Variants in HDDC2 observed in about 807,000 individuals in gnomAD.
HDDC2 encodes HD domain containing 2, also known as 5'-deoxynucleotidase HDDC2.
A neutral mutation model predicts 25.5 loss-of-function variants in HDDC2; 25 were observed. The ratio of observed to expected loss-of-function variants is 0.98; its 90% CI spans 0.72 to 1.37. The LOEUF (loss-of-function observed/expected upper bound fraction) is 1.37, where lower values mean the gene tolerates loss of function less well. Ranked by LOEUF, HDDC2 falls within the 40% of genes most tolerant of loss-of-function variation. HDDC2 has a pLI of 0.00. For synonymous variants in HDDC2, 106 were observed against 89.7 expected, an observed-to-expected ratio of 1.18 and a Z score of -1.03; for missense variants, 264 against 253.1, an observed-to-expected ratio of 1.04 and a Z score of -0.29.
chr6:125,301,775 G>T (rs146602375), intron 1 of HDDC2, 74 bp downstream of exon 1: 10 of 1,115,568 alleles, frequency 9.0e-6, no homozygotes, highest in Admixed American at 2.3e-5. Flanking sequence ...CCGGCCGAGC[G>T]GGGAGGCCGG....
At chr6:125,280,861 C>T (rs990721338) in intron 4 of HDDC2, among the ~76,000 whole-genome samples, 1 of 152,246 alleles carries the variant, frequency 6.6e-6, no homozygotes, top group African/African-American at 2.4e-5. Flanking sequence ...AGTGCTCAAG[C>T]TCTGCTAAGG....
chr6:125,288,477 G>T (rs1434405056), intron 4 of HDDC2, among the ~76,000 whole-genome samples: 1 of 152,192 alleles, frequency 6.6e-6, no homozygotes, highest in African/African-American at 2.4e-5. Flanking sequence ...GAGGGACAAG[G>T]AGTCCAAGCA....
chr6:125,299,545 T>C (rs1050276293), intron 2 of HDDC2, among the ~76,000 whole-genome samples: 1 of 152,196 alleles, frequency 6.6e-6, no homozygotes, highest in African/African-American at 2.4e-5. Context: ...AGGGCCAGTA[T>C]GTTTTAGGCT....
At chr6:125,292,774 T>C (rs1798649990) in intron 4 of HDDC2, 67 bp downstream of exon 4, 4 of 1,194,546 alleles carry the variant, frequency 3.3e-6, no homozygotes, top group Non-Finnish European at 5.0e-6. Flanking sequence ...CTAAGTCAAG[T>C]ACAACATCAG....
intron 4 of HDDC2, among the ~76,000 whole-genome samples, chr6:125,291,309 T>G (rs1197965607): frequency 6.6e-6 from 1 of 152,216 alleles, no homozygotes; most frequent in East Asian, 1.9e-4. Flanking sequence ...ATTTTCATGA[T>G]TATTCAACGA....
chr6:125,291,798 G>A (rs578060955), intron 4 of HDDC2, among the ~76,000 whole-genome samples: 5 of 152,282 alleles, frequency 3.3e-5, no homozygotes, highest in African/African-American at 1.2e-4. Flanking sequence ...ACACCTGAAT[G>A]CCTTAAAATG....
intron 4 of HDDC2, among the ~76,000 whole-genome samples, chr6:125,291,937 A>C (rs1160263654): frequency 6.6e-6 from 1 of 152,174 alleles, no homozygotes; most frequent in Non-Finnish European, 1.5e-5. Flanking sequence ...TCACACTCCT[A>C]AGACAAGGGA....
chr6:125,293,411 G>A (rs1382599501), intron 3 of HDDC2, among the ~76,000 whole-genome samples: 1 of 152,128 alleles, frequency 6.6e-6, no homozygotes, highest in Non-Finnish European at 1.5e-5. Flanking sequence ...ATACAAATGA[G>A]CGATTATTGC....
chr6:125,288,419 T>A (rs143952934), intron 4 of HDDC2, among the ~76,000 whole-genome samples: 93 of 152,234 alleles, frequency 6.1e-4, no homozygotes, highest in Non-Finnish European at 1.1e-3. Context: ...TTTCGCAGCC[T>A]TCTGGTAGGA....
intron 4 of HDDC2, among the ~76,000 whole-genome samples, chr6:125,290,119 T>C (rs1798608758): frequency 2.0e-5 from 3 of 152,234 alleles, no homozygotes. Flanking sequence ...ACTGTCATTT[T>C]CTATGTAACT....
rs1798355792 is a variant in HDDC2, at chr6:125,275,643, T to C, written c.*503A>G. The stretch of plus-strand genomic sequence containing the variant: ...ATTAGAAGTCTGAAGCAGTCTGCAG[T>C]GAAATTCAAAATCTGGCTCAAGAGA... On this transcript the variant is annotated 3_prime_UTR_variant, in exon 6 of 6. Transcript: ENST00000398153. 1 of 154,528 alleles carries C rather than the reference T, an allele frequency of 6.5e-6. No individual in the cohort carries two copies. Among genetic ancestry groups the C allele is most frequent in the African/African-American group, 2.4e-5 (1 of 41,478 alleles). 9.6% of individuals were successfully genotyped at this position (154,528 alleles called of 1,614,324 possible). A position where few individuals can be genotyped will look rare whatever the true frequency, so the allele number is the denominator to read the frequency against.
intron 4 of HDDC2, among the ~76,000 whole-genome samples, chr6:125,284,217 A>G (rs1798499798): frequency 6.6e-6 from 1 of 152,246 alleles, no homozygotes; most frequent in East Asian, 1.9e-4. Flanking sequence ...ACCCTAGAAG[A>G]AAACCTAGGC....
At chr6:125,282,361 G>GA (rs1259526514) in intron 4 of HDDC2, among the ~76,000 whole-genome samples, 7 of 148,600 alleles carry the variant, frequency 4.7e-5, no homozygotes, top group Non-Finnish European at 8.9e-5. Context: ...AAAAAAAAAA[G>GA]AAAAAAGAAA....
At chr6:125,292,107 T>C (rs1296779904) in intron 4 of HDDC2, among the ~76,000 whole-genome samples, 1 of 151,632 alleles carries the variant, frequency 6.6e-6, no homozygotes, top group African/African-American at 2.4e-5. Context: ...ATGTGAAAAG[T>C]GAGAGTGGGA....
chr6:125,277,320 G>A (rs750368831), intron 4 of HDDC2, 80 bp from the exon 5 acceptor site: 16 of 1,340,406 alleles, frequency 1.2e-5, no homozygotes, highest in African/African-American at 2.9e-5. Context: ...TCTGGTACCC[G>A]AAATCAGAGT....
chr6:125,291,138 A>G (rs1432323768), intron 4 of HDDC2, among the ~76,000 whole-genome samples: 3 of 152,056 alleles, frequency 2.0e-5, no homozygotes, highest in Non-Finnish European at 4.4e-5. Flanking sequence ...ACCTAACTCC[A>G]CTCCATTATT....
intron 3 of HDDC2, among the ~76,000 whole-genome samples, chr6:125,296,869 G>A (rs556376957): frequency 2.0e-5 from 3 of 152,312 alleles, no homozygotes. Context: ...GACAGTCGTA[G>A]GTCCTCCTCA....
intron 1 of HDDC2, among the ~76,000 whole-genome samples, chr6:125,301,442 T>TACAC (rs3039619): frequency 0.029 from 4,228 of 145,166 alleles, 77 homozygotes; most frequent in South Asian, 0.059. Context: ...AGCCGCGCTT[T>TACAC]ACACACACAC....
chr6:125,294,923 A>G (rs1200390007), intron 3 of HDDC2, among the ~76,000 whole-genome samples: 1 of 152,234 alleles, frequency 6.6e-6, no homozygotes, highest in Non-Finnish European at 1.5e-5. Context: ...AAAACAGCAA[A>G]TACGTTGTTG....
Sources: gnomAD v4.1 joint callset for allele counts (sites outside exome capture counted in the v4.1 genomes callset) on GRCh38, gnomAD v4.1.1 for gene constraint, MANE v1.5 for transcripts, NCBI Gene and HGNC (gene_info 2026-07-23, HGNC 2026-07-21) for gene names.